STK39: variants seen among roughly 807,000 people sequenced by gnomAD.
STK39 encodes STE20/SPS1-related proline-alanine-rich protein kinase.
Under a neutral mutation model 77.8 loss-of-function variants are expected in STK39, and 20 were observed. The observed-to-expected ratio is 0.26, with a 90% CI of 0.18 to 0.37. The LOEUF is 0.37. STK39 is among the 10% of genes least tolerant of loss of function. The probability of loss-of-function intolerance (pLI) is 1.00; values close to 1 mark genes in which losing one functional copy is unlikely to be tolerated. For synonymous variants in STK39, 246 were observed against 234.1 expected (o/e 1.05, Z -0.47); for missense variants, 479 against 656.5 (o/e 0.73, Z 2.95).
At chr2:168,175,188 T>C (rs1004124524) in intron 2 of STK39, among the ~76,000 whole-genome samples, 6 of 152,098 alleles carry the variant, frequency 3.9e-5, no homozygotes, top group South Asian at 2.1e-4. Flanking sequence ...GACAATAACA[T>C]AGGAAAGAAC....
At chr2:168,245,230 C>T (rs1322933742) in intron 1 of STK39, among the ~76,000 whole-genome samples, 1 of 152,058 alleles carries the variant, frequency 6.6e-6, no homozygotes, top group Non-Finnish European at 1.5e-5. Flanking sequence ...AGCTCAACTA[C>T]GACCTCTACT....
At chr2:168,027,345 C>G (rs1684724695) in intron 14 of STK39, among the ~76,000 whole-genome samples, 1 of 152,198 alleles carries the variant, frequency 6.6e-6, no homozygotes, top group Admixed American at 6.5e-5. Context: ...GCAAAAGTGT[C>G]TTTTGGATCA....
intron 14 of STK39, among the ~76,000 whole-genome samples, chr2:168,046,267 G>C (rs1225737248): frequency 6.6e-6 from 1 of 152,228 alleles, no homozygotes; most frequent in Non-Finnish European, 1.5e-5. Context: ...GTGGGAGGCT[G>C]AGGCAGGAGA....
chr2:168,079,395 T>C (rs554486541), intron 10 of STK39, among the ~76,000 whole-genome samples: 14 of 152,216 alleles, frequency 9.2e-5, no homozygotes, highest in Non-Finnish European at 1.8e-4. Context: ...CCTGGCCAGA[T>C]GAACCTTCCT....
chr2:168,224,489 C>T (rs1473593005), intron 1 of STK39, among the ~76,000 whole-genome samples: 1 of 151,634 alleles, frequency 6.6e-6, no homozygotes, highest in Admixed American at 6.6e-5. Flanking sequence ...CAAAAGAAAG[C>T]GCATTTACAA....
chr2:168,145,769 G>A (rs1688121289), intron 5 of STK39, among the ~76,000 whole-genome samples: 1 of 152,134 alleles, frequency 6.6e-6, no homozygotes, highest in Non-Finnish European at 1.5e-5. Context: ...CCAGTGCTGG[G>A]GGGGTTCTGA....
At chr2:167,988,326 T>G (rs1683612281) in intron 16 of STK39, among the ~76,000 whole-genome samples, 1 of 152,134 alleles carries the variant, frequency 6.6e-6, no homozygotes, top group Admixed American at 6.6e-5. Flanking sequence ...TATATGAAGA[T>G]CCCTTTGGGG....
chr2:168,195,581 G>T (rs970873936), intron 1 of STK39, among the ~76,000 whole-genome samples: 1 of 152,158 alleles, frequency 6.6e-6, no homozygotes, highest in Admixed American at 6.5e-5. Flanking sequence ...CCAAAATTCA[G>T]ATTCAATCTC....
rs112564839 is a variant in STK39 at position 168,019,842 on chromosome 2, T to C, written c.1377-2747A>G. Among the ~76,000 whole-genome samples, 744 of 152,310 alleles carry C rather than the reference T, an allele frequency of 4.9e-3. 4 individuals carry two copies. Among genetic ancestry groups the C allele is most frequent in the African/African-American group, 0.017 (696 of 41,568 alleles). On this transcript the variant is annotated intron_variant, in intron 14 of 17. Transcript: ENST00000355999. ...CCTCAGCCTCCCGAGCAGCTGAGAC[T>C]ACAGGAGTGTGCTACCACGCCCAGC... is the stretch of plus-strand genomic sequence containing the variant.
chr2:168,127,326 T>G (rs1268717020), intron 10 of STK39, among the ~76,000 whole-genome samples: 5 of 152,086 alleles, frequency 3.3e-5, no homozygotes, highest in Non-Finnish European at 5.9e-5. Context: ...AATTTTTGTG[T>G]TTTTAGTAGA....
intron 10 of STK39, among the ~76,000 whole-genome samples, chr2:168,110,744 C>T (rs1454739594): frequency 6.6e-6 from 1 of 152,114 alleles, no homozygotes; most frequent in Non-Finnish European, 1.5e-5. Context: ...TTGAGTTACA[C>T]TGTATATTCT....
Position 168,040,598 on chromosome 2 carries a change from T to C in STK39, c.1376+22902A>G, listed in dbSNP as rs150826369. On this transcript the variant is annotated intron_variant, in intron 14 of 17. Transcript: ENST00000355999. ...GTTCAAAACATGAAATCCTTCCCAA[T>C]AAATTTTTTATCCAGATTTCTTCAC... 7.7e-3 allele frequency among the ~76,000 whole-genome samples: 1,172 copies of C among 152,314 alleles called. 13 individuals carry two copies. Among genetic ancestry groups the C allele is most frequent in the African/African-American group, 0.026 (1,066 of 41,582 alleles).
At chr2:167,991,240 T>C (rs985033847) in intron 16 of STK39, among the ~76,000 whole-genome samples, 1 of 152,172 alleles carries the variant, frequency 6.6e-6, no homozygotes, top group African/African-American at 2.4e-5. Flanking sequence ...CTGGTCATGA[T>C]AAACATCTAA....
At chr2:167,991,962 G>A (rs968381244) in intron 16 of STK39, among the ~76,000 whole-genome samples, 15 of 152,204 alleles carry the variant, frequency 9.9e-5, no homozygotes, top group South Asian at 2.1e-4. Flanking sequence ...CAGCCTGATC[G>A]GCTTGAACAA....
chr2:168,135,295 G>A (rs1574492743), intron 8 of STK39, among the ~76,000 whole-genome samples: 1 of 151,084 alleles, frequency 6.6e-6, no homozygotes, highest in Non-Finnish European at 1.5e-5. Context: ...TCTTAATCTT[G>A]TGAGTACTTA....
At chr2:168,244,738 C>T (rs1451923995) in intron 1 of STK39, among the ~76,000 whole-genome samples, 3 of 152,228 alleles carry the variant, frequency 2.0e-5, no homozygotes, top group Non-Finnish European at 4.4e-5. Context: ...GGCCTCCACA[C>T]AGGCCAACTC....
At chr2:168,140,426 A>G (rs747034451) in intron 6 of STK39, 36 bp from the exon 7 acceptor site, 6 of 1,552,252 alleles carry the variant, frequency 3.9e-6, no homozygotes, top group Non-Finnish European at 5.3e-6. Flanking sequence ...ACAATCATAC[A>G]GCAGGCATGT....
intron 1 of STK39, among the ~76,000 whole-genome samples, chr2:168,227,189 T>C (rs1250591255): frequency 6.6e-6 from 1 of 152,238 alleles, no homozygotes; most frequent in Non-Finnish European, 1.5e-5. Context: ...AAAATCTTTA[T>C]GTAGATGTAT....
At chr2:168,061,051 G>T (rs938861920) in intron 14 of STK39, among the ~76,000 whole-genome samples, 2 of 152,098 alleles carry the variant, frequency 1.3e-5, no homozygotes, top group African/African-American at 4.8e-5. Context: ...AAACTATCAG[G>T]TTAATTATTA....
Sources: gnomAD v4.1 joint callset for allele counts (sites outside exome capture counted in the v4.1 genomes callset) on GRCh38, gnomAD v4.1.1 for gene constraint, MANE v1.5 for transcripts, NCBI Gene and HGNC (gene_info 2026-07-23, HGNC 2026-07-21) for gene names.